RFTN1: variants seen among roughly 807,000 people sequenced by gnomAD.
RFTN1 encodes the protein raftlin.
Under a neutral mutation model 46.5 loss-of-function variants are expected in RFTN1, and 26 were observed. That is an observed-to-expected ratio of 0.56 (90% CI 0.41 to 0.78). The LOEUF is 0.78. RFTN1 is among the 30% of genes least tolerant of loss of function. RFTN1 has a pLI of 0.00. For synonymous variants in RFTN1, 261 were observed against 284.2 expected, an observed-to-expected ratio of 0.92 and a Z score of 0.82; for missense variants, 693 against 718.7, an observed-to-expected ratio of 0.96 and a Z score of 0.41.
rs1000230139 is a variant in RFTN1, at chr3:16,480,176, C to T, written c.145+13549G>A. On this transcript the variant is annotated intron_variant, in intron 2 of 9. Transcript: ENST00000334133. The surrounding 1 kb of genome is among the most constrained non-coding windows in gnomAD (Gnocchi z 4.3). ...GACTGCTTTCTCCAAAAAGAAAAGT[C>T]CACCCACAAGCTTGCCAGCTCCCTT... 7.2e-5 allele frequency among the ~76,000 whole-genome samples: 11 copies of T among 152,206 alleles called. No individual in the cohort carries two copies. Among genetic ancestry groups the T allele is most frequent in the African/African-American group, 2.7e-4 (11 of 41,454 alleles).
rs555303764 is a variant in RFTN1 at position 16,498,098 on chromosome 3, G to A, written c.-8-4221C>T. On this transcript the variant is annotated intron_variant, in intron 1 of 9. Transcript: ENST00000334133. This position sits in a 1 kb window ranked among gnomAD's most constrained non-coding sequence, Gnocchi z 5.2. ...ATATCACAGGACATAAAGGGGCTCT[G>A]GGCAAATCATCCATGTGATCAGACA... 6.6e-6 allele frequency among the ~76,000 whole-genome samples: 1 copy of A among 152,262 alleles called. No individual in the cohort carries two copies. Among genetic ancestry groups the A allele is most frequent in the Admixed American group, 6.5e-5 (1 of 15,300 alleles).
rs954712282 is a variant in RFTN1 at position 16,407,458 on chromosome 3, G to A, written c.441+1917C>T. ...TCCTTTTGCCTCAGCCTCCCAAAGTGTTGGGATTACCAGCTGAGCCACTGT... is the reference window on the plus strand; with the variant it reads ...TCCTTTTGCCTCAGCCTCCCAAAGTATTGGGATTACCAGCTGAGCCACTGT... On this transcript the variant is annotated intron_variant, in intron 4 of 9. Transcript: ENST00000334133. This position sits in a 1 kb window ranked among gnomAD's most constrained non-coding sequence, Gnocchi z 4.0. Among the ~76,000 whole-genome samples, 34 of 151,998 alleles carry A rather than the reference G, an allele frequency of 2.2e-4. No individual in the cohort carries two copies. Among genetic ancestry groups the A allele is most frequent in the African/African-American group, 7.5e-4 (31 of 41,472 alleles).
rs148985627 is a variant in RFTN1 at position 16,358,159 on chromosome 3, A to C, written c.1031-112T>G. The C allele has an allele frequency of 1.4e-4, 94 of 663,392 alleles. No homozygotes were observed. In the African/African-American group the frequency reaches 1.5e-3, roughly 11 times the overall value. The allele number at this position is 663,392 out of a possible 1,614,324, so 41.1% of individuals were successfully genotyped here. ...ATTCATTAATAATCCCAATCAGAAC[A>C]TCTTTTCAGCATGTTAATTAAAGAA... On this transcript the variant is annotated intron_variant, in intron 6 of 9. Coordinates refer to ENST00000334133, the MANE Select transcript of RFTN1 (RefSeq NM_015150.2).
rs2074362556 is a variant in RFTN1, at chr3:16,391,964, T to C, written c.442-13862A>G. On this transcript the variant is annotated intron_variant, in intron 4 of 9. Transcript: ENST00000334133. ...ATCCCACCTAAATGGCTGCCTAAGT[T>C]ATTAGGTAGTAGGTTTCTTTAACTG... is the stretch of plus-strand genomic sequence containing the variant. 2.0e-5 allele frequency among the ~76,000 whole-genome samples: 3 copies of C among 150,748 alleles called. No individual in the cohort carries two copies. The Admixed American group carries it at 2.0e-4, about 10-fold the overall frequency.
Position 16,317,286 on chromosome 3 carries a change from T to C in RFTN1, c.1333-54A>G. The C allele has an allele frequency of 6.3e-7, 1 of 1,580,272 alleles. No individual in the cohort carries two copies. Among genetic ancestry groups the C allele is most frequent in the Non-Finnish European group, 8.6e-7 (1 of 1,164,616 alleles). On this transcript the variant is annotated intron_variant, in intron 9 of 9. Coordinates refer to ENST00000334133, the MANE Select transcript of RFTN1 (RefSeq NM_015150.2). This position sits in a 1 kb window ranked among gnomAD's most constrained non-coding sequence, Gnocchi z 4.3. ...AACAAGCCTCCGGGAACCCAGAGCT[T>C]CACCCAAAGCCTTGTTTGCATTCAT...
At chr3:16,420,167 G>A (rs149208439) in intron 3 of RFTN1, among the ~76,000 whole-genome samples, 1 of 152,182 alleles carries the variant, frequency 6.6e-6, no homozygotes, top group African/African-American at 2.4e-5. Flanking sequence ...CTTTGCCTCG[G>A]TGCTCCCTGT....
At position 16,344,682 on chromosome 3, in the gene RFTN1, C is replaced by T. The variant is rs1448964673; in HGVS notation, c.1146+13250G>A. ...TGAAACAGGCCAAGGCACAGGATGG[C>T]ATCAGAAAGCTCATGAAGACAGACC... On this transcript the variant is annotated intron_variant, in intron 7 of 9. Coordinates refer to ENST00000334133, the MANE Select transcript of RFTN1 (RefSeq NM_015150.2). The surrounding 1 kb of genome is among the most constrained non-coding windows in gnomAD (Gnocchi z 4.4). Among the ~76,000 whole-genome samples the T allele has an allele frequency of 6.6e-6, 1 of 152,172 alleles. No individual in the cohort carries two copies. Among genetic ancestry groups the T allele is most frequent in the Non-Finnish European group, 1.5e-5 (1 of 68,032 alleles).
Position 16,506,856 on chromosome 3 carries a change from A to G in RFTN1, c.-9+6586T>C, listed in dbSNP as rs963789392. 2.0e-5 allele frequency among the ~76,000 whole-genome samples: 3 copies of G among 152,160 alleles called. No homozygotes were observed. The highest frequency in any genetic ancestry group is 7.2e-5 in the African/African-American group (3 of 41,426). ...CCCTGCCCATAACAGATGCACAATA[A>G]ATACCTACTTAGCAGCATCTTTCGG... On this transcript the variant is annotated intron_variant, in intron 1 of 9. Transcript: ENST00000334133. This position sits in a 1 kb window ranked among gnomAD's most constrained non-coding sequence, Gnocchi z 4.8.
intron 2 of RFTN1, among the ~76,000 whole-genome samples, chr3:16,436,742 A>G (rs1220807326): frequency 2.0e-5 from 3 of 152,202 alleles, no homozygotes; most frequent in African/African-American, 7.2e-5. Flanking sequence ...ATCATTTATT[A>G]TATTCCCAAA....
intron 1 of RFTN1, among the ~76,000 whole-genome samples, chr3:16,511,880 G>A (rs1347039998): frequency 1.3e-5 from 2 of 151,946 alleles, no homozygotes; most frequent in Non-Finnish European, 2.9e-5. Flanking sequence ...ACTTCCATTT[G>A]CCCCATGTCC....
At chr3:16,398,244 C>CAAAAATAAAAA (rs2074518309) in intron 4 of RFTN1, among the ~76,000 whole-genome samples, 1 of 110,852 alleles carries the variant, frequency 9.0e-6, no homozygotes, top group Non-Finnish European at 2.1e-5. Flanking sequence ...AAGACTGTCT[C>CAAAAATAAAAA]AAAAAAAAAA....
intron 8 of RFTN1, 141 bp downstream of exon 8, chr3:16,326,632 G>T: frequency 1.5e-6 from 1 of 645,810 alleles, no homozygotes; most frequent in Non-Finnish European, 2.6e-6. Flanking sequence ...TGGCTCTGCT[G>T]CTTCCCAGTG....
chr3:16,380,587 CCCAGA>C lies in RFTN1; in HGVS notation c.442-2490_442-2486del, dbSNP rs1209180833. 9.2e-5 allele frequency among the ~76,000 whole-genome samples: 14 copies of C among 152,274 alleles called. No homozygotes were observed. Among genetic ancestry groups the C allele is most frequent in the Admixed American group, 2.6e-4 (4 of 15,298 alleles). On this transcript the variant is annotated intron_variant, in intron 4 of 9. Coordinates refer to ENST00000334133, the MANE Select transcript of RFTN1 (RefSeq NM_015150.2). This position sits in a 1 kb window ranked among gnomAD's most constrained non-coding sequence, Gnocchi z 4.8. ...GGCCAGGGGTTCTCAAAGTGTGGGC[CCCAGA>C]CCAGAGCATCAGCATCCCCTGGGAA...
chr3:16,321,925 A>C lies in RFTN1; in HGVS notation c.1332+1451T>G, dbSNP rs2069105841. Among the ~76,000 whole-genome samples the C allele has an allele frequency of 6.6e-6, 1 of 152,108 alleles. No homozygotes were observed. Among genetic ancestry groups the C allele is most frequent in the African/African-American group, 2.4e-5 (1 of 41,396 alleles). On this transcript the variant is annotated intron_variant, in intron 9 of 9. Transcript: ENST00000334133. The surrounding 1 kb of genome is among the most constrained non-coding windows in gnomAD (Gnocchi z 4.8). ...ATGCGATGCCATGACCTTCACACCAACATCCAACCACATGTCTCTCCTTTG... is the reference window on the plus strand; with the variant it reads ...ATGCGATGCCATGACCTTCACACCACCATCCAACCACATGTCTCTCCTTTG...
chr3:16,352,311 G>C lies in RFTN1; in HGVS notation c.1146+5621C>G, dbSNP rs1378752004. Among the ~76,000 whole-genome samples the C allele has an allele frequency of 6.6e-6, 1 of 152,198 alleles. No homozygotes were observed. Among genetic ancestry groups the C allele is most frequent in the Non-Finnish European group, 1.5e-5 (1 of 68,044 alleles). Reference sequence around the variant, plus strand: ...AGGTAGCACCTGGTGGTGTCTATAAGCTCTGATGGGCTGTCAGGCTCAAAG... The same window carrying C: ...AGGTAGCACCTGGTGGTGTCTATAACCTCTGATGGGCTGTCAGGCTCAAAG... On this transcript the variant is annotated intron_variant, in intron 7 of 9. Transcript: ENST00000334133. This position sits in a 1 kb window ranked among gnomAD's most constrained non-coding sequence, Gnocchi z 4.6.
rs1009008881 is a variant in RFTN1, at chr3:16,413,004, C to A, written c.333-3521G>T. On this transcript the variant is annotated intron_variant, in intron 3 of 9. Transcript: ENST00000334133. The surrounding 1 kb of genome is among the most constrained non-coding windows in gnomAD (Gnocchi z 4.7). The stretch of plus-strand genomic sequence containing the variant: ...ATTACAGCCTGATAAAATTCTGAAG[C>A]AAAGAACCCTGATAAACTACAGAAA... Among the ~76,000 whole-genome samples, 3 of 152,180 alleles carry A rather than the reference C, an allele frequency of 2.0e-5. No homozygotes were observed. The highest frequency in any genetic ancestry group is 7.2e-5 in the African/African-American group (3 of 41,428).
At chr3:16,463,405 T>G (rs1299999290) in intron 2 of RFTN1, among the ~76,000 whole-genome samples, 2 of 152,224 alleles carry the variant, frequency 1.3e-5, no homozygotes, top group African/African-American at 4.8e-5. Flanking sequence ...ATCGTTTCTA[T>G]TAACCTTTCT....
Position 16,451,311 on chromosome 3 carries a change from C to T in RFTN1, c.146-17274G>A, listed in dbSNP as rs2075819686. 6.6e-6 allele frequency among the ~76,000 whole-genome samples: 1 copy of T among 152,178 alleles called. No homozygotes were observed. The highest frequency in any genetic ancestry group is 2.1e-4 in the South Asian group (1 of 4,828). On this transcript the variant is annotated intron_variant, in intron 2 of 9. Coordinates refer to ENST00000334133, the MANE Select transcript of RFTN1 (RefSeq NM_015150.2). The surrounding 1 kb of genome is among the most constrained non-coding windows in gnomAD (Gnocchi z 4.2). ...CCTCTTACCCACCACGTCAGATCCC[C>T]CAAAGCCTTCATTCCTTCCAGGACA...
rs1057309308 is a variant in RFTN1, at chr3:16,344,086, T to A, written c.1146+13846A>T. Among the ~76,000 whole-genome samples the A allele has an allele frequency of 6.6e-6, 1 of 152,202 alleles. No homozygotes were observed. Among genetic ancestry groups the A allele is most frequent in the African/African-American group, 2.4e-5 (1 of 41,448 alleles). ...CACTTGGAGGGAAGCAGTAGAGACA[T>A]TCTTGGCCTGTATTAACTCTTTTTC... On this transcript the variant is annotated intron_variant, in intron 7 of 9. Coordinates refer to ENST00000334133, the MANE Select transcript of RFTN1 (RefSeq NM_015150.2). This position sits in a 1 kb window ranked among gnomAD's most constrained non-coding sequence, Gnocchi z 4.4.
Sources: allele counts gnomAD v4.1 joint callset (sites outside exome capture counted in the v4.1 genomes callset), GRCh38; gene constraint gnomAD v4.1.1; non-coding constraint Gnocchi (gnomAD v3.1); transcripts MANE v1.5; gene names NCBI Gene and HGNC (gene_info 2026-07-23, HGNC 2026-07-21).